Variants in ARK2N observed in about 807,000 individuals in gnomAD.
The protein encoded by ARK2N is arkadia (RNF111) N-terminal like PKA signaling regulator 2N, also known as protein ARK2N.
the ARK2N span, among the ~76,000 whole-genome samples, chr18:46,194,532 G>A: frequency 6.6e-6 from 1 of 151,588 alleles, no homozygotes; most frequent in South Asian, 2.1e-4. Context: ...GAGTGCAATG[G>A]CATGGTCTCG....
chr18:46,204,104 C>CTT, the ARK2N span, among the ~76,000 whole-genome samples: 1 of 132,626 alleles, frequency 7.5e-6, no homozygotes, highest in African/African-American at 2.8e-5. Flanking sequence ...TTTTTATGTT[C>CTT]TTTTTTTTTT....
At chr18:46,240,292 C>A in the ARK2N span, 2 of 1,226,000 alleles carry the variant, frequency 1.6e-6, no homozygotes, top group Non-Finnish European at 1.1e-6. Flanking sequence ...ATACCAGAGA[C>A]ATCTGGCATT....
At chr18:46,203,505 A>G in the ARK2N span, among the ~76,000 whole-genome samples, 30 of 152,300 alleles carry the variant, frequency 2.0e-4, no homozygotes, top group Non-Finnish European at 1.9e-4. Context: ...TGTTCTGTAT[A>G]TGGTCATTAC....
chr18:46,217,147 C>A, the ARK2N span: 1 of 152,428 alleles, frequency 6.6e-6, no homozygotes, highest in Admixed American at 6.5e-5. Flanking sequence ...TCTATCCTCA[C>A]GTTGAAAAGA....
the ARK2N span, among the ~76,000 whole-genome samples, chr18:46,237,834 T>C: frequency 3.3e-5 from 5 of 152,234 alleles, no homozygotes; most frequent in Non-Finnish European, 7.3e-5. Context: ...GAAGTTTATA[T>C]AGTATTGACT....
chr18:46,231,535 T>G, the ARK2N span, among the ~76,000 whole-genome samples: 2 of 148,448 alleles, frequency 1.3e-5, no homozygotes, highest in South Asian at 4.2e-4. Flanking sequence ...TGAGAAAAAA[T>G]GTCTTTTTAA....
the ARK2N span, among the ~76,000 whole-genome samples, chr18:46,206,736 A>G: frequency 2.6e-5 from 4 of 151,328 alleles, no homozygotes; most frequent in Non-Finnish European, 5.9e-5. Context: ...CTTTTAACCC[A>G]CTTCTCTTCA....
the ARK2N span, among the ~76,000 whole-genome samples, chr18:46,246,104 T>A: frequency 6.6e-6 from 1 of 152,240 alleles, no homozygotes; most frequent in Non-Finnish European, 1.5e-5. Flanking sequence ...CTACAGGGCT[T>A]GTTCTTGTCT....
chr18:46,195,085 A>G, the ARK2N span, among the ~76,000 whole-genome samples: 2 of 150,612 alleles, frequency 1.3e-5, no homozygotes, highest in Non-Finnish European at 1.5e-5. Context: ...TACAGGCATG[A>G]GCCACCATGC....
the ARK2N span, among the ~76,000 whole-genome samples, chr18:46,250,618 C>T: frequency 1.3e-5 from 2 of 151,696 alleles, no homozygotes; most frequent in Non-Finnish European, 2.9e-5. Context: ...ATTTCCTGTC[C>T]TGCTTGCTAT....
At chr18:46,200,843 C>T in the ARK2N span, among the ~76,000 whole-genome samples, 2 of 152,084 alleles carry the variant, frequency 1.3e-5, no homozygotes, top group African/African-American at 4.8e-5. Context: ...TTATTTCATC[C>T]TTAACTAAAG....
At chr18:46,263,010 G>A in the ARK2N span, 1 of 1,614,134 alleles carries the variant, frequency 6.2e-7, no homozygotes, top group South Asian at 1.1e-5. Flanking sequence ...TTAGCACCAG[G>A]CAAACACAGT....
the ARK2N span, among the ~76,000 whole-genome samples, chr18:46,175,537 A>G: frequency 6.6e-6 from 1 of 151,836 alleles, no homozygotes; most frequent in Admixed American, 6.6e-5. Context: ...AGAGGCCTAC[A>G]ATTGATAGTT....
the ARK2N span, among the ~76,000 whole-genome samples, chr18:46,229,224 G>GA: frequency 0.025 from 3,608 of 144,756 alleles, 85 homozygotes; most frequent in African/African-American, 0.057. Context: ...GTGTTGTTTT[G>GA]AAAAAAAAAA....
the ARK2N span, among the ~76,000 whole-genome samples, chr18:46,174,833 C>T: frequency 4.6e-5 from 7 of 152,152 alleles, no homozygotes; most frequent in Admixed American, 2.0e-4. Flanking sequence ...CGACACCTGC[C>T]CCTGCAGCGG....
At chr18:46,257,321 C>G in the ARK2N span, among the ~76,000 whole-genome samples, 2 of 152,148 alleles carry the variant, frequency 1.3e-5, no homozygotes, top group South Asian at 4.2e-4. Flanking sequence ...ATATGCCTCT[C>G]CCCCTCCTTT....
At chr18:46,196,418 C>A in the ARK2N span, among the ~76,000 whole-genome samples, 13 of 151,938 alleles carry the variant, frequency 8.6e-5, no homozygotes, top group Non-Finnish European at 1.9e-4. Context: ...CCTGCCACCA[C>A]GCCCTGCTAA....
the ARK2N span, chr18:46,265,396 T>C: frequency 1.3e-5 from 2 of 152,566 alleles, no homozygotes; most frequent in East Asian, 1.9e-4. Context: ...GTCCCTAATA[T>C]AGTCATCCTC....
At chr18:46,224,357 T>G in the ARK2N span, among the ~76,000 whole-genome samples, 1 of 152,114 alleles carries the variant, frequency 6.6e-6, no homozygotes, top group African/African-American at 2.4e-5. Context: ...CTTCCTGTGG[T>G]TTTCCATAAG....
Sources: gnomAD v4.1 joint callset for allele counts (sites outside exome capture counted in the v4.1 genomes callset) on GRCh38, gnomAD v4.1.1 for gene constraint, MANE v1.5 for transcripts, NCBI Gene and HGNC (gene_info 2026-07-23, HGNC 2026-07-21) for gene names.